Variants in RASAL2 observed in about 807,000 individuals in gnomAD.
RASAL2 encodes the protein RAS protein activator like 2.
A neutral mutation model predicts 128.9 loss-of-function variants in RASAL2; 58 were observed. The ratio of observed to expected loss-of-function variants is 0.45; its 90% CI spans 0.36 to 0.56. The LOEUF is 0.56. Among genes scored for constraint, RASAL2 ranks in the 20% least tolerant of loss-of-function variants. The pLI, the probability that RASAL2 is intolerant of heterozygous loss-of-function variation, is 0.00. For synonymous variants in RASAL2, 561 were observed against 580.8 expected (o/e 0.97, Z 0.49); for missense variants, 1,360 against 1,601.6 (o/e 0.85, Z 2.57).
At chr1:178,423,703 A>G (rs1050914107) in intron 5 of RASAL2, among the ~76,000 whole-genome samples, 2 of 152,098 alleles carry the variant, frequency 1.3e-5, no homozygotes, top group Non-Finnish European at 2.9e-5. Flanking sequence ...TTGCCTCTCT[A>G]AAAGATGGGA....
At chr1:178,171,519 G>A (rs900725122) in intron 1 of RASAL2, among the ~76,000 whole-genome samples, 4 of 151,994 alleles carry the variant, frequency 2.6e-5, no homozygotes, top group African/African-American at 9.7e-5. Context: ...TTTTGAAAGT[G>A]AGCCTATTCA....
chr1:178,469,708 C>T (rs72707033), intron 17 of RASAL2, among the ~76,000 whole-genome samples: 5,964 of 152,252 alleles, frequency 0.039, 152 homozygotes, highest in Non-Finnish European at 0.061. Flanking sequence ...TGGTAGAATC[C>T]AGGCACCTTT....
intron 3 of RASAL2, among the ~76,000 whole-genome samples, chr1:178,358,237 T>TTAAAA (rs1176010811): frequency 3.7e-4 from 13 of 34,772 alleles, no homozygotes; most frequent in Admixed American, 1.2e-3. Context: ...CTCTGTCTCC[T>TTAAAA]AAAAAAAAAA....
chr1:178,451,523 A>T (rs746729776), intron 9 of RASAL2, 48 bp from the exon 10 acceptor site: 1 of 1,573,122 alleles, frequency 6.4e-7, no homozygotes, highest in East Asian at 2.2e-5. Context: ...TATTCTATTC[A>T]GGAAGACACT....
chr1:178,411,709 G>T, intron 4 of RASAL2: 1 of 810,502 alleles, frequency 1.2e-6, no homozygotes. Context: ...TTCTGGCAAA[G>T]AAACCATCTG....
chr1:178,356,317 T>G (rs1292373682), intron 3 of RASAL2, among the ~76,000 whole-genome samples: 1 of 152,134 alleles, frequency 6.6e-6, no homozygotes, highest in Non-Finnish European at 1.5e-5. Context: ...TTGTACAGTT[T>G]CATTGGAGAA....
At chr1:178,358,990 C>G (rs1191131308) in intron 3 of RASAL2, among the ~76,000 whole-genome samples, 1 of 151,918 alleles carries the variant, frequency 6.6e-6, no homozygotes, top group Non-Finnish European at 1.5e-5. Context: ...GTCAAATAAA[C>G]TACAGCAAAA....
At chr1:178,385,372 GT>G (rs1003523367) in intron 3 of RASAL2, among the ~76,000 whole-genome samples, 3 of 152,132 alleles carry the variant, frequency 2.0e-5, no homozygotes, top group African/African-American at 7.2e-5. Context: ...CGGAGGTGGA[GT>G]TTGTAGTGAG....
At chr1:178,309,277 C>T (rs1356627598) in intron 3 of RASAL2, among the ~76,000 whole-genome samples, 2 of 152,096 alleles carry the variant, frequency 1.3e-5, no homozygotes, top group Non-Finnish European at 2.9e-5. Flanking sequence ...TTATTCCTCT[C>T]CTGTAAAATA....
chr1:178,271,701 A>G (rs1571751413), intron 1 of RASAL2, among the ~76,000 whole-genome samples: 2 of 152,224 alleles, frequency 1.3e-5, no homozygotes, highest in African/African-American at 4.8e-5. Context: ...CCTTTTGACA[A>G]AAATGCAAAT....
chr1:178,150,746 A>G (rs1045693378), intron 1 of RASAL2, among the ~76,000 whole-genome samples: 3 of 152,136 alleles, frequency 2.0e-5, no homozygotes, highest in African/African-American at 4.8e-5. Flanking sequence ...TTTAACCCCC[A>G]AATCAATACT....
chr1:178,472,925 G>A (rs1294734321), intron 17 of RASAL2, 150 bp from the exon 18 acceptor site: 3 of 838,158 alleles, frequency 3.6e-6, no homozygotes, highest in Non-Finnish European at 5.6e-6. Context: ...AACCTGACCA[G>A]TGTGCAGAAA....
intron 1 of RASAL2, among the ~76,000 whole-genome samples, chr1:178,095,955 C>T (rs1478165517): frequency 6.6e-6 from 1 of 152,118 alleles, no homozygotes; most frequent in African/African-American, 2.4e-5. Flanking sequence ...ATAACCAGTT[C>T]TTAAGGATTT....
chr1:178,163,092 T>C (rs1661389324), intron 1 of RASAL2, among the ~76,000 whole-genome samples: 1 of 151,968 alleles, frequency 6.6e-6, no homozygotes, highest in African/African-American at 2.4e-5. Flanking sequence ...TGCCTCAGCC[T>C]CCCGAGTAGC....
In RASAL2 at chr1:178,226,602, G is replaced by A. The variant is rs573671955; in HGVS notation, c.203-56962G>A. On this transcript the variant is annotated intron_variant, in intron 1 of 17. Coordinates refer to ENST00000367649, the MANE Select transcript of RASAL2 (RefSeq NM_170692.4). ...AAAATTTAAGCATTATGTGAATTTT[G>A]TGTTGACTTATATGCCATTTGTCTG... Among the ~76,000 whole-genome samples the A allele has an allele frequency of 1.1e-3, 170 of 152,258 alleles. 1 individual carries two copies. The highest frequency in any genetic ancestry group is 3.7e-3 in the African/African-American group (155 of 41,566).
intron 1 of RASAL2, among the ~76,000 whole-genome samples, chr1:178,257,167 G>C (rs59059646): frequency 6.6e-6 from 1 of 152,150 alleles, no homozygotes; most frequent in Non-Finnish European, 1.5e-5. Flanking sequence ...TCATTGATTA[G>C]AAGACTTAGT....
chr1:178,222,511 A>C (rs1054451711), intron 1 of RASAL2, among the ~76,000 whole-genome samples: 1 of 152,100 alleles, frequency 6.6e-6, no homozygotes, highest in African/African-American at 2.4e-5. Flanking sequence ...CAGATACTGC[A>C]TGTATCTTAT....
At chr1:178,310,911 T>C (rs1168527279) in intron 3 of RASAL2, among the ~76,000 whole-genome samples, 1 of 152,198 alleles carries the variant, frequency 6.6e-6, no homozygotes, top group African/African-American at 2.4e-5. Flanking sequence ...ATGGTTACTG[T>C]TCCCAGTTTG....
intron 2 of RASAL2, among the ~76,000 whole-genome samples, chr1:178,297,272 T>G (rs1382066467): frequency 4.6e-5 from 7 of 152,018 alleles, no homozygotes; most frequent in Admixed American, 4.6e-4. Flanking sequence ...CTATCCAATT[T>G]TAAAGGAGTA....
Sources: gnomAD v4.1 joint callset for allele counts (sites outside exome capture counted in the v4.1 genomes callset) on GRCh38, gnomAD v4.1.1 for gene constraint, MANE v1.5 for transcripts, NCBI Gene and HGNC (gene_info 2026-07-23, HGNC 2026-07-21) for gene names.